The following PLEKHA6 variants were observed in gnomAD, a reference collection of about 807,000 sequenced individuals.
PLEKHA6 encodes the protein pleckstrin homology domain-containing family A member 6.
Under a neutral mutation model 116.7 loss-of-function variants are expected in PLEKHA6, and 60 were observed. The observed-to-expected ratio is 0.51, with a 90% CI of 0.42 to 0.64. The LOEUF is 0.64. Ranked by LOEUF, PLEKHA6 falls within the 30% of genes least tolerant of loss-of-function variation. The probability of loss-of-function intolerance (pLI) is 0.00; values close to 1 mark genes in which losing one functional copy is unlikely to be tolerated. For missense variants in PLEKHA6, 1,338 were observed against 1,422.7 expected (o/e 0.94, Z 0.96); for synonymous variants, 489 against 556.1 (o/e 0.88, Z 1.70).
At chr1:204,375,671 G>C (rs999005562) in intron 1 of PLEKHA6, among the ~76,000 whole-genome samples, 4 of 151,980 alleles carry the variant, frequency 2.6e-5, no homozygotes, top group African/African-American at 7.3e-5. Flanking sequence ...ACACAGACTC[G>C]ATGATGTCAA....
In PLEKHA6 at chr1:204,301,393, C is replaced by G. The variant is rs924259937; in HGVS notation, c.-94-26584G>C. The G allele has an allele frequency of 1.1e-5, 11 of 983,666 alleles. No individual in the cohort carries two copies. The African/African-American group carries it at 1.9e-4, about 17-fold the overall frequency. 60.9% of individuals were successfully genotyped at this position (983,666 alleles called of 1,614,324 possible). On this transcript the variant is annotated intron_variant, in intron 1 of 22. Coordinates refer to ENST00000272203, the MANE Select transcript of PLEKHA6 (RefSeq NM_014935.5). ...ATTCAAAGAACAGCTCATCAGCCTA[C>G]AGCAATCTGCTGCATTTCTACGCTG...
At chr1:204,279,997 C>T (rs900319067) in intron 1 of PLEKHA6, among the ~76,000 whole-genome samples, 4 of 151,828 alleles carry the variant, frequency 2.6e-5, no homozygotes, top group Non-Finnish European at 5.9e-5. Context: ...GATGAAGGAG[C>T]GAAAAAATGA....
rs1232301028 is a variant in PLEKHA6, at chr1:204,248,803, C to A, written c.1824+18G>T. 1 of 1,611,108 alleles carries A rather than the reference C, an allele frequency of 6.2e-7. No individual in the cohort carries two copies. Among genetic ancestry groups the A allele is most frequent in the East Asian group, 2.2e-5 (1 of 44,860 alleles). Reference sequence around the variant, plus strand: ...GTGCTGATGAGGTGGGGTGCACGAACCCCGCTCCCTGGGTTACCGTGGTCG... The same window carrying A: ...GTGCTGATGAGGTGGGGTGCACGAAACCCGCTCCCTGGGTTACCGTGGTCG... On this transcript the variant is annotated intron_variant, in intron 12 of 22. Transcript: ENST00000272203.
intron 15 of PLEKHA6, 119 bp downstream of exon 15, chr1:204,244,735 ACAAAGAGCTC>A (rs1233700147): frequency 1.1e-5 from 7 of 655,580 alleles, no homozygotes; most frequent in African/African-American, 1.9e-5. Flanking sequence ...ACCTCCTTAA[ACAAAGAGCTC>A]CAGCACTAGG....
At chr1:204,280,539 A>C in intron 1 of PLEKHA6, 5 of 824,296 alleles carry the variant, frequency 6.1e-6, no homozygotes, top group Non-Finnish European at 7.3e-6. Flanking sequence ...CAGCTTCCCC[A>C]TCCTGAGGAC....
At chr1:204,333,417 T>G (rs995243899) in intron 1 of PLEKHA6, among the ~76,000 whole-genome samples, 3 of 152,258 alleles carry the variant, frequency 2.0e-5, no homozygotes, top group African/African-American at 7.2e-5. Flanking sequence ...ACTCCAGTTC[T>G]CTGCCTCTCC....
At chr1:204,313,792 A>G (rs1671753210) in intron 1 of PLEKHA6, 1 of 769,776 alleles carries the variant, frequency 1.3e-6, no homozygotes, top group Non-Finnish European at 1.6e-6. Context: ...AGCAAGCAGC[A>G]GCAAATGCAG....
At chr1:204,263,890 C>T (rs1021821064) in intron 6 of PLEKHA6, among the ~76,000 whole-genome samples, 7 of 152,146 alleles carry the variant, frequency 4.6e-5, no homozygotes, top group Non-Finnish European at 7.3e-5. Flanking sequence ...TACAAGACCC[C>T]GGGAGGCTGG....
intron 1 of PLEKHA6, among the ~76,000 whole-genome samples, chr1:204,282,080 C>T (rs1012727832): frequency 2.0e-5 from 3 of 152,190 alleles, no homozygotes; most frequent in African/African-American, 7.2e-5. Context: ...GTCCTTCCCC[C>T]ATTTTCTCAC....
chr1:204,312,630 C>T (rs1671695500), intron 1 of PLEKHA6, among the ~76,000 whole-genome samples: 1 of 152,214 alleles, frequency 6.6e-6, no homozygotes, highest in Admixed American at 6.5e-5. Flanking sequence ...AAATATTTGG[C>T]TGGCTCACCC....
chr1:204,362,015 C>T (rs546686806), upstream of PLEKHA6, among the ~76,000 whole-genome samples: 18 of 152,214 alleles, frequency 1.2e-4, no homozygotes, highest in African/African-American at 3.6e-4. Flanking sequence ...ACGAGTCCCA[C>T]GGATCCTTCG....
At chr1:204,243,453 A>G (rs555429165) in intron 15 of PLEKHA6, among the ~76,000 whole-genome samples, 2 of 152,210 alleles carry the variant, frequency 1.3e-5, no homozygotes, top group South Asian at 4.1e-4. Context: ...CCTGACCTTC[A>G]AGGCCTTCCT....
chr1:204,234,232 A>G (rs1422691225), intron 17 of PLEKHA6, among the ~76,000 whole-genome samples: 2 of 152,208 alleles, frequency 1.3e-5, no homozygotes, highest in African/African-American at 2.4e-5. Flanking sequence ...TGGTTGATGC[A>G]TCTACAACCC....
At chr1:204,310,127 C>T (rs981235889) in intron 1 of PLEKHA6, among the ~76,000 whole-genome samples, 5 of 151,796 alleles carry the variant, frequency 3.3e-5, no homozygotes, top group African/African-American at 4.8e-5. Context: ...CACAGTTGGC[C>T]GACCCCTAGC....
chr1:204,249,381 T>C (rs1664237569), intron 10 of PLEKHA6, 117 bp from the exon 11 acceptor site: 2 of 736,808 alleles, frequency 2.7e-6, no homozygotes, highest in Non-Finnish European at 4.8e-6. Flanking sequence ...TTTCTCCTGC[T>C]GAGGAACCCT....
chr1:204,314,084 G>T (rs1052435077), intron 1 of PLEKHA6, among the ~76,000 whole-genome samples: 4 of 152,280 alleles, frequency 2.6e-5, no homozygotes, highest in African/African-American at 9.6e-5. Flanking sequence ...GGAGGGACAG[G>T]ATCTTCTGAG....
chr1:204,232,837 C>T (rs1003868541), intron 17 of PLEKHA6, among the ~76,000 whole-genome samples: 3 of 152,210 alleles, frequency 2.0e-5, no homozygotes. Flanking sequence ...GAGGATTATT[C>T]TCAGGCCTTG....
chr1:204,339,529 A>G (rs1185247228), intron 1 of PLEKHA6, among the ~76,000 whole-genome samples: 3 of 152,360 alleles, frequency 2.0e-5, no homozygotes, highest in South Asian at 2.1e-4. Flanking sequence ...GGAGGGAATC[A>G]GTTAAACTTT....
intron 1 of PLEKHA6, chr1:204,275,660 G>C: frequency 2.0e-6 from 2 of 979,248 alleles, no homozygotes; most frequent in Non-Finnish European, 2.4e-6. Context: ...AGGCTCTCAG[G>C]GGAGATGGGG....
Sources: allele counts gnomAD v4.1 joint callset (sites outside exome capture counted in the v4.1 genomes callset), GRCh38; gene constraint gnomAD v4.1.1; transcripts MANE v1.5; gene names NCBI Gene and HGNC (gene_info 2026-07-23, HGNC 2026-07-21).